DNAJC6: variants seen among roughly 807,000 people sequenced by gnomAD.
DNAJC6 encodes auxilin.
In DNAJC6, 34 loss-of-function variants were observed where a neutral mutation model predicts 110.0. The observed-to-expected ratio is 0.31, with a 90% CI of 0.24 to 0.41. DNAJC6 has a LOEUF of 0.41. Among genes scored for constraint, DNAJC6 ranks in the 10% least tolerant of loss-of-function variants. The pLI is 1.00. For synonymous variants in DNAJC6, 406 were observed against 437.2 expected, an observed-to-expected ratio of 0.93 and a Z score of 0.89; for missense variants, 1,031 against 1,207.8, an observed-to-expected ratio of 0.85 and a Z score of 2.17.
chr1:65,344,677 A>G (rs1439064146), intron 1 of DNAJC6, among the ~76,000 whole-genome samples: 2 of 152,182 alleles, frequency 1.3e-5, no homozygotes, highest in Non-Finnish European at 2.9e-5. Context: ...CATAGCATTA[A>G]TCTTACTTTT....
intron 4 of DNAJC6, among the ~76,000 whole-genome samples, chr1:65,367,873 ATTT>A (rs67626971): frequency 0.093 from 12,714 of 136,862 alleles, 935 homozygotes; most frequent in African/African-American, 0.22. Flanking sequence ...AGGAGGGAGC[ATTT>A]TTTTTTTTTT....
chr1:65,266,633 T>C (rs967640158), intron 1 of DNAJC6, among the ~76,000 whole-genome samples: 1 of 152,158 alleles, frequency 6.6e-6, no homozygotes, highest in Non-Finnish European at 1.5e-5. Flanking sequence ...AAATTAACTC[T>C]AGGAAGAATG....
intron 14 of DNAJC6, among the ~76,000 whole-genome samples, chr1:65,399,897 T>G (rs1414998147): frequency 6.6e-6 from 1 of 152,172 alleles, no homozygotes; most frequent in African/African-American, 2.4e-5. Context: ...AAATTTTTTT[T>G]GGCTGGGGCG....
chr1:65,332,588 G>A (rs186049236), intron 1 of DNAJC6, among the ~76,000 whole-genome samples: 11 of 152,336 alleles, frequency 7.2e-5, no homozygotes, highest in Non-Finnish European at 1.2e-4. Flanking sequence ...ATAATGCTAG[G>A]AGTAAGTGCT....
At chr1:65,347,740 C>CACACACGTGCACACAT (rs1553141744) in intron 1 of DNAJC6, among the ~76,000 whole-genome samples, 1 of 152,082 alleles carries the variant, frequency 6.6e-6, no homozygotes, top group Non-Finnish European at 1.5e-5. Context: ...TGTGCACACA[C>CACACACGTGCACACAT]ACACACGTGC....
At chr1:65,272,579 C>T (rs1470383656) in intron 1 of DNAJC6, among the ~76,000 whole-genome samples, 3 of 152,138 alleles carry the variant, frequency 2.0e-5, no homozygotes. Context: ...TTCTCTATTC[C>T]CTGGAAGGTT....
intron 8 of DNAJC6, among the ~76,000 whole-genome samples, 163 bp downstream of exon 8, chr1:65,387,092 A>G (rs1645880284): frequency 6.6e-6 from 1 of 152,162 alleles, no homozygotes; most frequent in South Asian, 2.1e-4. Flanking sequence ...CTTACAGGGG[A>G]GGAACTGAGA....
At chr1:65,301,068 CTA>C (rs1644973784) in intron 1 of DNAJC6, among the ~76,000 whole-genome samples, 1 of 152,194 alleles carries the variant, frequency 6.6e-6, no homozygotes, top group South Asian at 2.1e-4. Flanking sequence ...CTTTGGGAAA[CTA>C]TTTACCACAT....
At chr1:65,282,791 A>AAAGGGATTG (rs1381710093) in intron 1 of DNAJC6, among the ~76,000 whole-genome samples, 1 of 152,158 alleles carries the variant, frequency 6.6e-6, no homozygotes, top group Non-Finnish European at 1.5e-5. Flanking sequence ...CTCTAGTTAA[A>AAAGGGATTG]AAGGGATTGA....
At chr1:65,382,392 C>T (rs6697416) in intron 5 of DNAJC6, among the ~76,000 whole-genome samples, 98,195 of 151,948 alleles carry the variant, frequency 0.65, 32,209 homozygotes, top group African/African-American at 0.79. Flanking sequence ...TGGGAGAAGG[C>T]TTTATTTAGT....
At chr1:65,365,556 A>G (rs907925316) in intron 2 of DNAJC6, among the ~76,000 whole-genome samples, 1 of 152,150 alleles carries the variant, frequency 6.6e-6, no homozygotes, top group Non-Finnish European at 1.5e-5. Flanking sequence ...ACTTACAATT[A>G]TGGAAGATAT....
chr1:65,356,240 G>A (rs1361899234), intron 1 of DNAJC6, among the ~76,000 whole-genome samples: 1 of 152,028 alleles, frequency 6.6e-6, no homozygotes, highest in Non-Finnish European at 1.5e-5. Flanking sequence ...GGCATTCCTT[G>A]GAATCATGTA....
chr1:65,319,019 G>A (rs1047843672), intron 1 of DNAJC6, among the ~76,000 whole-genome samples: 4 of 152,222 alleles, frequency 2.6e-5, no homozygotes, highest in South Asian at 2.1e-4. Flanking sequence ...GAGAAACAAC[G>A]AAGGCCCTAG....
chr1:65,327,340 T>TA (rs1645250455), intron 1 of DNAJC6, among the ~76,000 whole-genome samples: 1 of 152,164 alleles, frequency 6.6e-6, no homozygotes, highest in Non-Finnish European at 1.5e-5. Context: ...TTAAAATAGT[T>TA]ACACGGCTTC....
At chr1:65,378,160 T>C (rs1388416575) in intron 4 of DNAJC6, among the ~76,000 whole-genome samples, 1 of 152,192 alleles carries the variant, frequency 6.6e-6, no homozygotes, top group East Asian at 1.9e-4. Context: ...TCATCCCTTA[T>C]TGACACTCCT....
chr1:65,302,102 TATATA>T (rs1216293347), intron 1 of DNAJC6, among the ~76,000 whole-genome samples: 11 of 28,696 alleles, frequency 3.8e-4, no homozygotes, highest in African/African-American at 9.7e-4. Flanking sequence ...ATATATATAA[TATATA>T]ATATATATAT....
At position 65,380,916 on chromosome 1, in the gene DNAJC6, G is replaced by GTTTTTTTTTTTTTTTTTTTTTTTTTTTTT. The variant is rs796797174; in HGVS notation, c.666+1396_666+1397insTTTTTTTTTTTTTTTTTTTTTTTTTTTTT. 1.3e-4 allele frequency among the ~76,000 whole-genome samples: 12 copies of GTTTTTTTTTTTTTTTTTTTTTTTTTTTTT among 93,528 alleles called. 2 individuals are homozygous for GTTTTTTTTTTTTTTTTTTTTTTTTTTTTT. The highest frequency in any genetic ancestry group is 4.7e-4 in the African/African-American group (7 of 15,050). The allele number at this position is 93,528 out of a possible 152,430, so 61.4% of individuals were successfully genotyped here. A position where few individuals can be genotyped will look rare whatever the true frequency, so the allele number is the denominator to read the frequency against. On this transcript the variant is annotated intron_variant, in intron 5 of 18. Transcript: ENST00000371069. Reference sequence around the variant, plus strand: ...TTTTTTTTTTTTTGTTTTTTGTTTTGTTTTGTTTTTTTTTTTTTTTTGGGA... The same window carrying GTTTTTTTTTTTTTTTTTTTTTTTTTTTTT: ...TTTTTTTTTTTTTGTTTTTTGTTTTGTTTTTTTTTTTTTTTTTTTTTTTTTTTTTTTTTGTTTTTTTTTTTTTTTTGGGA...
intron 13 of DNAJC6, among the ~76,000 whole-genome samples, chr1:65,395,932 G>A (rs770871869): frequency 7.9e-5 from 12 of 152,134 alleles, no homozygotes; most frequent in African/African-American, 2.2e-4. Flanking sequence ...TCCTGATGTC[G>A]AAGTCTATTG....
chr1:65,297,196 T>G (rs1644937022), intron 1 of DNAJC6, among the ~76,000 whole-genome samples: 1 of 152,064 alleles, frequency 6.6e-6, no homozygotes, highest in South Asian at 2.1e-4. Flanking sequence ...TTGTCTGGAC[T>G]TAGAAAGAGG....
Sources: allele counts gnomAD v4.1 joint callset (sites outside exome capture counted in the v4.1 genomes callset), GRCh38; gene constraint gnomAD v4.1.1; transcripts MANE v1.5; gene names NCBI Gene and HGNC (gene_info 2026-07-23, HGNC 2026-07-21).